The following STX18 variants were observed in gnomAD, a reference collection of about 807,000 sequenced individuals.
STX18 encodes the protein syntaxin 18.
STX18 carries 40 observed loss-of-function variants against 50.1 expected under a neutral mutation model. That is an observed-to-expected ratio of 0.80 (90% confidence interval 0.62 to 1.04). The LOEUF (loss-of-function observed/expected upper bound fraction) is 1.04. Ranked by LOEUF, STX18 falls within the 50% of genes least tolerant of loss-of-function variation. The pLI is 0.00. For synonymous variants in STX18, 158 were observed against 151.8 expected, an observed-to-expected ratio of 1.04 and a Z score of -0.30; for missense variants, 410 against 415.8, an observed-to-expected ratio of 0.99 and a Z score of 0.12.
At chr4:4,497,251 G>C (rs1729221836) in intron 1 of STX18, among the ~76,000 whole-genome samples, 1 of 152,166 alleles carries the variant, frequency 6.6e-6, no homozygotes. Context: ...AGAGGCACAG[G>C]CTGAATTCCC....
At chr4:4,444,441 C>T (rs1004135709) in intron 5 of STX18, among the ~76,000 whole-genome samples, 4 of 152,136 alleles carry the variant, frequency 2.6e-5, no homozygotes, top group East Asian at 1.9e-4. Context: ...CATCACTGAC[C>T]CCCAATGAAA....
At chr4:4,465,604 G>C (rs1009065982) in intron 2 of STX18, among the ~76,000 whole-genome samples, 4 of 152,168 alleles carry the variant, frequency 2.6e-5, no homozygotes, top group Non-Finnish European at 4.4e-5. Flanking sequence ...ACTGGGGCCT[G>C]TTGGAGGATC....
At position 4,420,170 on chromosome 4, in the gene STX18, A is replaced by G; in HGVS notation, c.913-41T>C. 6.4e-7 allele frequency: 1 copy of G among 1,561,490 alleles called. No individual in the cohort carries two copies. Among genetic ancestry groups the G allele is most frequent in the Non-Finnish European group, 8.7e-7 (1 of 1,151,414 alleles). On this transcript the variant is annotated intron_variant, in intron 10 of 10. Transcript: ENST00000306200. This position sits in a 1 kb window ranked among gnomAD's most constrained non-coding sequence, Gnocchi z 4.3. The stretch of plus-strand genomic sequence containing the variant: ...AGCACAGGTGTTTTTATCACACAGG[A>G]TTTTGGTTTGAGCAGCCCTGAAATG...
At chr4:4,541,478 C>A (rs890209821) in intron 1 of STX18, among the ~76,000 whole-genome samples, 9 of 152,182 alleles carry the variant, frequency 5.9e-5, no homozygotes, top group Admixed American at 5.9e-4. Context: ...GAGTGCAAGT[C>A]TGTAGTGACG....
chr4:4,521,073 AC>A (rs1334269935), intron 1 of STX18, among the ~76,000 whole-genome samples: 1 of 151,578 alleles, frequency 6.6e-6, no homozygotes, highest in African/African-American at 2.4e-5. Flanking sequence ...CATCTAACCC[AC>A]CCCTCCAACC....
intron 5 of STX18, among the ~76,000 whole-genome samples, chr4:4,442,955 C>T (rs2108797537): frequency 6.6e-6 from 1 of 152,266 alleles, no homozygotes; most frequent in South Asian, 2.1e-4. Flanking sequence ...GAAGATGATG[C>T]ATATTAACAA....
intron 1 of STX18, among the ~76,000 whole-genome samples, chr4:4,508,716 C>T (rs866814050): frequency 2.6e-5 from 4 of 152,246 alleles, no homozygotes; most frequent in Middle Eastern, 3.4e-3. Flanking sequence ...CTCCCTAGTC[C>T]CCACTTCGAC....
chr4:4,442,341 G>T (rs2108796532), intron 5 of STX18, among the ~76,000 whole-genome samples: 1 of 152,106 alleles, frequency 6.6e-6, no homozygotes, highest in Middle Eastern at 3.4e-3. Flanking sequence ...AAACATGGGT[G>T]AACTGGGTGC....
At chr4:4,485,683 G>T (rs569410594) in intron 1 of STX18, among the ~76,000 whole-genome samples, 1 of 152,300 alleles carries the variant, frequency 6.6e-6, no homozygotes, top group East Asian at 1.9e-4. Flanking sequence ...CACACACGCT[G>T]GGTGGACGGC....
rs1449192762 is a variant in STX18, at chr4:4,542,020, C to T, written c.-56G>A. 4.7e-6 allele frequency: 7 copies of T among 1,486,872 alleles called. No homozygotes were observed. Among genetic ancestry groups the T allele is most frequent in the African/African-American group, 1.4e-5 (1 of 69,148 alleles). The allele number at this position is 1,486,872 out of a possible 1,614,324, so 92.1% of individuals were successfully genotyped here. A position where few individuals can be genotyped will look rare whatever the true frequency, so the allele number is the denominator to read the frequency against. ...CCCGCCCACGTAAGCAGCCGGCGAC[C>T]GCGGCGCGAACCCGGCCGCTGAAGG... On this transcript the variant is annotated 5_prime_UTR_variant, in exon 1 of 11. Transcript: ENST00000306200.
chr4:4,496,857 G>A lies in STX18; in HGVS notation c.169-25151C>T, dbSNP rs1180167148. 1.9e-4 allele frequency among the ~76,000 whole-genome samples: 29 copies of A among 152,188 alleles called. 1 individual carries two copies. The highest frequency in any genetic ancestry group is 1.9e-3 in the Admixed American group (29 of 15,278). On this transcript the variant is annotated intron_variant, in intron 1 of 10. Transcript: ENST00000306200. ...AGGATGCAAAAAAGAACAGATGCCT[G>A]AAATAACTACATGATATGCATGGGA...
chr4:4,476,838 T>C (rs935348625), intron 1 of STX18, among the ~76,000 whole-genome samples: 4 of 152,082 alleles, frequency 2.6e-5, no homozygotes, highest in African/African-American at 7.2e-5. Flanking sequence ...TACATGCTTA[T>C]ATGGGGGGTT....
At chr4:4,506,689 G>GT (rs1288683387) in intron 1 of STX18, among the ~76,000 whole-genome samples, 1 of 152,130 alleles carries the variant, frequency 6.6e-6, no homozygotes, top group Non-Finnish European at 1.5e-5. Context: ...TAGATACTAT[G>GT]TTTTTTCTAT....
In STX18 at chr4:4,457,453, C is replaced by G. The variant is rs370164301; in HGVS notation, c.400G>C (p.Val134Leu). 4 of 1,613,778 alleles carry G rather than the reference C, an allele frequency of 2.5e-6. No individual in the cohort carries two copies. Among genetic ancestry groups the G allele is most frequent in the African/African-American group, 2.7e-5 (2 of 74,920 alleles). The change falls in exon 4 of 11, where the codon GTT (valine) becomes CTT (leucine). Residue 134 changes from valine (V) to leucine (L), a missense_variant. Transcript: ENST00000306200. ...AAGTAATCTTCAATGAAATCCAAAA[C>G]AGCGGTCCTGTGCTCCTTCACTTGC... ...SQQVKEHRTA[V>L]LDFIEDYLKR...
At position 4,452,298 on chromosome 4, in the gene STX18, C is replaced by T. The variant is rs138889969; in HGVS notation, c.497+4893G>A. Among the ~76,000 whole-genome samples the T allele has an allele frequency of 7.4e-4, 112 of 152,288 alleles. 2 individuals carry two copies. Among genetic ancestry groups the T allele is most frequent in the East Asian group, 9.6e-4 (5 of 5,190 alleles). Reference sequence around the variant, plus strand: ...AATTAGCAAGTGCTGACACAGAAGCCGCAATAAGTTATCCAGAAGATCTAA... The same window carrying T: ...AATTAGCAAGTGCTGACACAGAAGCTGCAATAAGTTATCCAGAAGATCTAA... On this transcript the variant is annotated intron_variant, in intron 5 of 10. Coordinates refer to ENST00000306200, the MANE Select transcript of STX18 (RefSeq NM_016930.4).
At chr4:4,464,333 C>T (rs1483754594) in intron 2 of STX18, among the ~76,000 whole-genome samples, 1 of 152,192 alleles carries the variant, frequency 6.6e-6, no homozygotes. Flanking sequence ...AGAAGTGTTG[C>T]TTATAATGTT....
chr4:4,436,068 C>T (rs1725760187), intron 6 of STX18, among the ~76,000 whole-genome samples: 1 of 152,156 alleles, frequency 6.6e-6, no homozygotes, highest in African/African-American at 2.4e-5. Flanking sequence ...CAGTAAATTT[C>T]CTGTAGTCAG....
chr4:4,525,089 T>G (rs1730689744), intron 1 of STX18, among the ~76,000 whole-genome samples: 1 of 152,140 alleles, frequency 6.6e-6, no homozygotes, highest in South Asian at 2.1e-4. Context: ...TGTGGTACAT[T>G]TATGAAAAGA....
intron 1 of STX18, among the ~76,000 whole-genome samples, chr4:4,504,962 T>A (rs947787819): frequency 6.6e-6 from 1 of 152,224 alleles, no homozygotes; most frequent in African/African-American, 2.4e-5. Flanking sequence ...CCATTTAAAT[T>A]GTGCAATTCC....
Sources: allele counts gnomAD v4.1 joint callset (sites outside exome capture counted in the v4.1 genomes callset), GRCh38; gene constraint gnomAD v4.1.1; non-coding constraint Gnocchi (gnomAD v3.1); transcripts MANE v1.5; gene names NCBI Gene and HGNC (gene_info 2026-07-23, HGNC 2026-07-21).